USP42: variants seen among roughly 807,000 people sequenced by gnomAD.
USP42 encodes ubiquitin carboxyl-terminal hydrolase 42.
A neutral mutation model predicts 113.0 loss-of-function variants in USP42; 23 were observed. The observed-to-expected ratio is 0.20, with a 90% CI of 0.15 to 0.29. USP42 has a LOEUF of 0.29. Ranked by LOEUF, USP42 falls within the 10% of genes least tolerant of loss-of-function variation. The pLI, the probability that USP42 is intolerant of heterozygous loss-of-function variation, is 1.00. For missense variants in USP42, 2,174 were observed against 1,779.8 expected, an observed-to-expected ratio of 1.22 and a Z score of -3.99; for synonymous variants, 933 against 699.0, an observed-to-expected ratio of 1.33 and a Z score of -5.28.
At chr7:6,134,216 T>C (rs1781007006) in intron 3 of USP42, among the ~76,000 whole-genome samples, 3 of 152,166 alleles carry the variant, frequency 2.0e-5, no homozygotes, top group South Asian at 4.1e-4. Flanking sequence ...AATGTATTCT[T>C]CCATTTTTCA....
chr7:6,105,371 C>T lies in USP42; in HGVS notation c.-10+339C>T, dbSNP rs913096605. Among the ~76,000 whole-genome samples the T allele has an allele frequency of 4.0e-4, 60 of 149,254 alleles. 1 individual carries two copies. Among genetic ancestry groups the T allele is most frequent in the African/African-American group, 1.4e-3 (57 of 41,240 alleles). ...CACCCCCACCCGGCCCCAGCCCGCCCCTTCGGCCTGGGGGCCGGGCAGGCA... is the reference window on the plus strand; with the variant it reads ...CACCCCCACCCGGCCCCAGCCCGCCTCTTCGGCCTGGGGGCCGGGCAGGCA... On this transcript the variant is annotated intron_variant, in intron 1 of 17. Transcript: ENST00000306177.
At chr7:6,114,243 T>TA in intron 2 of USP42, among the ~76,000 whole-genome samples, 1 of 152,178 alleles carries the variant, frequency 6.6e-6, no homozygotes, top group Non-Finnish European at 1.5e-5. Flanking sequence ...CATGAGATGG[T>TA]AAGGACGGCA....
At chr7:6,130,610 A>G (rs1780799908) in intron 3 of USP42, among the ~76,000 whole-genome samples, 2 of 152,168 alleles carry the variant, frequency 1.3e-5, no homozygotes, top group South Asian at 4.1e-4. Context: ...TTAACCCAGT[A>G]TGGGTTAGGG....
At chr7:6,083,023 A>C in the USP42 span, among the ~76,000 whole-genome samples, 2 of 149,056 alleles carry the variant, frequency 1.3e-5, no homozygotes, top group African/African-American at 5.0e-5. Flanking sequence ...TCCTGGGTTC[A>C]AGCTGATTGT....
chr7:6,111,493 A>G (rs1779594456), intron 2 of USP42, 119 bp downstream of exon 2: 1 of 1,202,194 alleles, frequency 8.3e-7, no homozygotes, highest in Non-Finnish European at 1.1e-6. Flanking sequence ...AGTGGCCAGC[A>G]GAGTTGTATT....
At chr7:6,104,675 C>G (rs1779148924), upstream of USP42, among the ~76,000 whole-genome samples, 2 of 152,132 alleles carry the variant, frequency 1.3e-5, no homozygotes, top group Admixed American at 1.3e-4. Flanking sequence ...CGCGCAGACG[C>G]GCGACCAGCC....
chr7:6,092,017 CTT>C, the USP42 span, among the ~76,000 whole-genome samples: 3 of 104,636 alleles, frequency 2.9e-5, no homozygotes, highest in African/African-American at 1.1e-4. Flanking sequence ...TCTTCTTCTT[CTT>C]CTTCTTCTTC....
At chr7:6,090,024 G>T in the USP42 span, among the ~76,000 whole-genome samples, 2 of 148,572 alleles carry the variant, frequency 1.3e-5, no homozygotes, top group Non-Finnish European at 3.0e-5. Context: ...ATAGGGCCAG[G>T]CGCAGTGGCT....
the USP42 span, chr7:6,084,302 C>G: frequency 1.3e-5 from 2 of 151,590 alleles, no homozygotes; most frequent in Non-Finnish European, 2.9e-5. Flanking sequence ...GCTGGGATTA[C>G]AGGTGTGAGC....
rs1466907133 is a variant in USP42 at position 6,153,612 on chromosome 7, A to T, written c.2202-144A>T. On this transcript the variant is annotated intron_variant, in intron 14 of 17. Coordinates refer to ENST00000306177, the MANE Select transcript of USP42 (RefSeq NM_032172.3). ...ACTAACCTGCACATTGTGCACATGT[A>T]GCCTGAAACTTAAAGTATAATAATA... is the stretch of plus-strand genomic sequence containing the variant. The T allele has an allele frequency of 1.8e-5, 20 of 1,085,828 alleles. No individual in the cohort carries two copies. The African/African-American group carries it at 2.7e-4, about 15-fold the overall frequency. The allele number at this position is 1,085,828 out of a possible 1,614,324, so 67.3% of individuals were successfully genotyped here. A position where few individuals can be genotyped will look rare whatever the true frequency, so the allele number is the denominator to read the frequency against.
In USP42 at chr7:6,154,780, C is replaced by T. The variant is rs756462522; in HGVS notation, c.3226C>T (p.Pro1076Ser). The part of the protein sequence containing the change: ...YALYAARDWK[P>S]FHGGREHERA... Reference sequence around the variant, plus strand: ...CCTGTACGCTGCCCGGGACTGGAAGCCCTTCCACGGCGGCCGCGAGCACGA... The same window carrying T: ...CCTGTACGCTGCCCGGGACTGGAAGTCCTTCCACGGCGGCCGCGAGCACGA... Residue 1076 changes from proline (P) to serine (S), a missense_variant, in exon 15 of 18, where the codon CCC becomes TCC. Pro to Ser is a moderately conservative substitution (Grantham distance 74). Transcript: ENST00000306177. 3 of 1,551,606 alleles carry T rather than the reference C, an allele frequency of 1.9e-6. No individual in the cohort carries two copies. Among genetic ancestry groups the T allele is most frequent in the Middle Eastern group, 1.7e-4 (1 of 5,974 alleles).
chr7:6,155,313 A>C lies in USP42; in HGVS notation c.3641+118A>C, dbSNP rs1183189805. ...GCCAGGCCACAGTTGTATCCGTCTG[A>C]TTTGTGTCTTTCATTTCTGTGGGTT... On this transcript the variant is annotated intron_variant, in intron 15 of 17. Coordinates refer to ENST00000306177, the MANE Select transcript of USP42 (RefSeq NM_032172.3). 21 of 1,398,918 alleles carry C rather than the reference A, an allele frequency of 1.5e-5. No individual in the cohort carries two copies. The Admixed American group carries it at 6.2e-4, about 41-fold the overall frequency. 86.7% of individuals were successfully genotyped at this position (1,398,918 alleles called of 1,614,324 possible). A position where few individuals can be genotyped will look rare whatever the true frequency, so the allele number is the denominator to read the frequency against.
intron 9 of USP42, among the ~76,000 whole-genome samples, 151 bp downstream of exon 9, chr7:6,144,347 C>G (rs1190726255): frequency 1.3e-5 from 2 of 152,150 alleles, no homozygotes; most frequent in Admixed American, 6.6e-5. Flanking sequence ...TTTGTTGGTA[C>G]CCGTGGTTGT....
At position 6,123,589 on chromosome 7, in the gene USP42, G is replaced by C. The variant is rs574632616; in HGVS notation, c.442+8066G>C. 1.3e-4 allele frequency among the ~76,000 whole-genome samples: 20 copies of C among 152,182 alleles called. No individual in the cohort carries two copies. The East Asian group carries it at 3.9e-3, about 29-fold the overall frequency. ...AGGCAGGAGAATGGCATAAACCCCG[G>C]GAGGCAGAGCCTGCAGTGAGCCGAG... On this transcript the variant is annotated intron_variant, in intron 3 of 17. Transcript: ENST00000306177.
At chr7:6,140,792 A>G (rs879822648) in intron 6 of USP42, 122 bp from the exon 7 acceptor site, 15 of 617,222 alleles carry the variant, frequency 2.4e-5, no homozygotes, top group Non-Finnish European at 2.3e-5. Context: ...TTTTTGTTCA[A>G]TTGATAGAAA....
chr7:6,115,707 A>C (rs1178489665), intron 3 of USP42, among the ~76,000 whole-genome samples, 184 bp downstream of exon 3: 2 of 152,194 alleles, frequency 1.3e-5, no homozygotes, highest in Non-Finnish European at 2.9e-5. Context: ...AACATTTTGC[A>C]CCTAATTAGA....
rs201498251 is a variant in USP42, at chr7:6,154,227, C to T, written c.2673C>T (p.Gly891=). The change falls in exon 15 of 18, where the codon GGC becomes GGT. Residue 891 remains glycine, a synonymous_variant. Coordinates refer to ENST00000306177, the MANE Select transcript of USP42 (RefSeq NM_032172.3). ...RDAQDPSQSL[G]APEAAERPPA... is the part of the protein sequence containing the mutation. ...CTCAGGACCCATCCCAGAGCTTGGG[C>T]GCACCCGAGGCCGCAGAGCGGCCGC... The T allele has an allele frequency of 4.2e-5, 67 of 1,606,568 alleles. No individual in the cohort carries two copies. In the Admixed American group the frequency reaches 8.9e-4, roughly 21 times the overall value.
chr7:6,145,458 A>C (rs573840712), intron 9 of USP42, 58 bp from the exon 10 acceptor site: 2 of 1,607,390 alleles, frequency 1.2e-6, no homozygotes, highest in Non-Finnish European at 1.7e-6. Context: ...CCTCTACCTG[A>C]ATATGTGGAA....
At chr7:6,092,041 CTTCTTCTTCTTCT>C in the USP42 span, among the ~76,000 whole-genome samples, 165 of 94,766 alleles carry the variant, frequency 1.7e-3, 1 homozygote, top group South Asian at 2.5e-3. Context: ...TCTTCTTCTT[CTTCTTCTTCTTCT>C]TTCTTCTTCT....
Sources: allele counts gnomAD v4.1 joint callset (sites outside exome capture counted in the v4.1 genomes callset), GRCh38; gene constraint gnomAD v4.1.1; transcripts MANE v1.5; gene names NCBI Gene and HGNC (gene_info 2026-07-23, HGNC 2026-07-21).